The following SNCAIP variants were observed in gnomAD, a reference collection of about 807,000 sequenced individuals.
The protein encoded by SNCAIP is synphilin-1.
In SNCAIP, 43 loss-of-function variants were observed where a neutral mutation model predicts 86.7. The observed-to-expected ratio is 0.50, with a 90% CI of 0.39 to 0.64. SNCAIP has a LOEUF of 0.64. Ranked by LOEUF, SNCAIP falls within the 30% of genes least tolerant of loss-of-function variation. The pLI, the probability that SNCAIP is intolerant of heterozygous loss-of-function variation, is 0.00. For synonymous variants in SNCAIP, 417 were observed against 427.2 expected (o/e 0.98, Z 0.29); for missense variants, 981 against 1,103.1 (o/e 0.89, Z 1.57).
intron 1 of SNCAIP, among the ~76,000 whole-genome samples, chr5:122,358,135 T>C (rs1761410707): frequency 6.6e-6 from 1 of 151,104 alleles, no homozygotes; most frequent in South Asian, 2.1e-4. Context: ...ATTTTCAGGA[T>C]CAAAGAAAGA....
chr5:122,434,233 T>C (rs1472775759), intron 6 of SNCAIP, among the ~76,000 whole-genome samples: 2 of 152,224 alleles, frequency 1.3e-5, no homozygotes, highest in African/African-American at 2.4e-5. Context: ...AAAGGAATTT[T>C]AAGTATCAGT....
intron 1 of SNCAIP, among the ~76,000 whole-genome samples, chr5:122,362,610 G>A (rs1049427449): frequency 3.3e-5 from 5 of 152,200 alleles, no homozygotes; most frequent in African/African-American, 1.2e-4. Context: ...TCATAGGAAT[G>A]CTAGTACCAA....
intron 1 of SNCAIP, among the ~76,000 whole-genome samples, chr5:122,363,502 C>T (rs974807466): frequency 1.3e-5 from 2 of 152,122 alleles, no homozygotes; most frequent in African/African-American, 2.4e-5. Flanking sequence ...ATTGCCTCCC[C>T]TTGCCATACC....
chr5:122,421,067 G>C (rs1776272100), intron 3 of SNCAIP, among the ~76,000 whole-genome samples: 2 of 152,212 alleles, frequency 1.3e-5, no homozygotes, highest in Admixed American at 6.5e-5. Context: ...GCCAAGCACT[G>C]TGTACAACTG....
At chr5:122,405,546 C>T (rs1026486831) in intron 3 of SNCAIP, among the ~76,000 whole-genome samples, 2 of 152,094 alleles carry the variant, frequency 1.3e-5, no homozygotes, top group African/African-American at 4.8e-5. Flanking sequence ...ATATCTTACC[C>T]AGAGTCACAC....
intron 7 of SNCAIP, 68 bp from the exon 8 acceptor site, chr5:122,444,495 T>C (rs1781848264): frequency 7.0e-7 from 1 of 1,421,288 alleles, no homozygotes; most frequent in South Asian, 1.2e-5. Context: ...TTCAACATTC[T>C]GTTACAGTCA....
At position 122,451,281 on chromosome 5, in the gene SNCAIP, T is replaced by A; in HGVS notation, c.2434T>A (p.Leu812Ile). Residue 812 changes from leucine to isoleucine, a missense_variant, in exon 10 of 11, where the codon TTA (leucine) becomes ATA (isoleucine). Leu to Ile is a conservative substitution (Grantham distance 5, BLOSUM62 2). Coordinates refer to ENST00000261368, the MANE Select transcript of SNCAIP (RefSeq NM_005460.4). ...PSSKRRTSQN[L>I]KLRVTFEEPV... The stretch of plus-strand genomic sequence containing the variant: ...TTCCAAGCGTAGGACATCTCAGAAC[T>A]TAAAACTGAGAGTTACCTTTGAGGA... 1 of 1,614,074 alleles carries A rather than the reference T, an allele frequency of 6.2e-7. No individual in the cohort carries two copies. The highest frequency in any genetic ancestry group is 1.1e-5 in the South Asian group (1 of 91,062).
intron 1 of SNCAIP, among the ~76,000 whole-genome samples, chr5:122,382,721 G>A (rs1767131944): frequency 6.6e-6 from 1 of 152,232 alleles, no homozygotes; most frequent in South Asian, 2.1e-4. Flanking sequence ...ATGGGTTTTT[G>A]GTGTGGATGT....
At chr5:122,388,221 T>G (rs2152834352) in intron 1 of SNCAIP, among the ~76,000 whole-genome samples, 1 of 152,306 alleles carries the variant, frequency 6.6e-6, no homozygotes, top group South Asian at 2.1e-4. Context: ...ATCCAGAATT[T>G]TATGTGAAAT....
intron 1 of SNCAIP, among the ~76,000 whole-genome samples, chr5:122,341,847 A>G (rs1757661322): frequency 6.6e-6 from 1 of 152,176 alleles, no homozygotes; most frequent in Non-Finnish European, 1.5e-5. Flanking sequence ...AGTACTTAAA[A>G]AACAATACTC....
intron 1 of SNCAIP, among the ~76,000 whole-genome samples, chr5:122,377,884 G>A (rs1580811729): frequency 2.0e-5 from 3 of 151,766 alleles, no homozygotes; most frequent in Non-Finnish European, 2.9e-5. Context: ...ATTTTTTATG[G>A]CTGCATAGTA....
intron 1 of SNCAIP, among the ~76,000 whole-genome samples, chr5:122,350,207 A>T (rs1759476177): frequency 6.6e-6 from 1 of 152,214 alleles, no homozygotes; most frequent in African/African-American, 2.4e-5. Flanking sequence ...GGTCCATCCC[A>T]GCTAAAAAGA....
chr5:122,340,911 G>A (rs2152721034), intron 1 of SNCAIP, among the ~76,000 whole-genome samples: 1 of 152,302 alleles, frequency 6.6e-6, no homozygotes, highest in South Asian at 2.1e-4. Flanking sequence ...ACTTTCATGA[G>A]AGATTTCATA....
intron 1 of SNCAIP, among the ~76,000 whole-genome samples, chr5:122,316,179 A>T (rs1382489168): frequency 6.6e-6 from 1 of 152,204 alleles, no homozygotes; most frequent in Non-Finnish European, 1.5e-5. Context: ...AAGTTTCTTT[A>T]TGTGTATATC....
intron 3 of SNCAIP, among the ~76,000 whole-genome samples, chr5:122,408,385 G>A (rs1773445744): frequency 6.6e-6 from 1 of 152,116 alleles, no homozygotes; most frequent in Non-Finnish European, 1.5e-5. Flanking sequence ...GCAGCCTAGG[G>A]CTCACCTCAC....
chr5:122,339,653 A>G (rs901465845), intron 1 of SNCAIP, among the ~76,000 whole-genome samples: 2 of 146,864 alleles, frequency 1.4e-5, no homozygotes, highest in Non-Finnish European at 3.0e-5. Context: ...GTCAGTTTTT[A>G]TCTGATCATT....
At chr5:122,456,131 C>G (rs1466494787) in intron 10 of SNCAIP, among the ~76,000 whole-genome samples, 1 of 152,236 alleles carries the variant, frequency 6.6e-6, no homozygotes, top group East Asian at 1.9e-4. Context: ...ACTTTGACCA[C>G]AGTTGCACAG....
intron 2 of SNCAIP, 32 bp from the exon 3 acceptor site, chr5:122,403,761 T>C (rs368713131): frequency 3.9e-6 from 6 of 1,557,862 alleles, no homozygotes; most frequent in Non-Finnish European, 5.3e-6. Context: ...TTAAATTATT[T>C]TATGCCCTCT....
At chr5:122,345,378 T>A (rs148584517) in intron 1 of SNCAIP, among the ~76,000 whole-genome samples, 5 of 152,192 alleles carry the variant, frequency 3.3e-5, no homozygotes, top group Non-Finnish European at 7.3e-5. Flanking sequence ...CATACCTACT[T>A]CCTGGGATAT....
Sources: gnomAD v4.1 joint callset for allele counts (sites outside exome capture counted in the v4.1 genomes callset) on GRCh38, gnomAD v4.1.1 for gene constraint, MANE v1.5 for transcripts, NCBI Gene and HGNC (gene_info 2026-07-23, HGNC 2026-07-21) for gene names.